The following PRRC2A variants were observed in gnomAD, a reference collection of about 807,000 sequenced individuals.
PRRC2A encodes protein PRRC2A.
PRRC2A carries 59 observed loss-of-function variants against 224.6 expected under a neutral mutation model. The observed-to-expected ratio is 0.26, with a 90% CI of 0.21 to 0.33. The LOEUF (loss-of-function observed/expected upper bound fraction) is 0.33. Ranked by LOEUF, PRRC2A falls within the 10% of genes least tolerant of loss-of-function variation. The pLI is 1.00. For synonymous variants in PRRC2A, 1,194 were observed against 1,109.5 expected (o/e 1.08, Z -1.51); for missense variants, 3,095 against 2,880.7 (o/e 1.07, Z -1.70).
rs759384494 is a variant in PRRC2A at position 31,629,264 on chromosome 6, C to T, written c.1886C>T (p.Pro629Leu). The T allele has an allele frequency of 6.8e-6, 11 of 1,609,412 alleles. No individual in the cohort carries two copies. In the South Asian group the frequency reaches 1.2e-4, roughly 18 times the overall value. ...KGDGIGPTRQ[P>L]PSQGLGYPKY... The stretch of plus-strand genomic sequence containing the variant: ...GATGGGATTGGTCCCACCCGCCAGC[C>T]CCCTAGTCAGGGCTTGGGCTACCCC... Residue 629 changes from proline to leucine, a missense_variant, in exon 13 of 31, where the codon CCC (proline) becomes CTC (leucine). Physicochemically the swap from Pro to Leu is moderately conservative, Grantham distance 98 (BLOSUM62 -3). Coordinates refer to ENST00000376033, the MANE Select transcript of PRRC2A (RefSeq NM_004638.4).
In PRRC2A at chr6:31,625,810, C is replaced by T. The variant is rs950589865; in HGVS notation, c.778C>T (p.Pro260Ser). 6 of 1,583,300 alleles carry T rather than the reference C, an allele frequency of 3.8e-6. No homozygotes were observed. Among genetic ancestry groups the T allele is most frequent in the Middle Eastern group, 1.7e-4 (1 of 6,042 alleles). Residue 260 changes from proline (P) to serine (S), a missense_variant, in exon 8 of 31, where the codon CCG becomes TCG. Pro to Ser is a moderately conservative substitution (Grantham distance 74). Coordinates refer to ENST00000376033, the MANE Select transcript of PRRC2A (RefSeq NM_004638.4). This position sits in a 1 kb window ranked among gnomAD's most constrained non-coding sequence, Gnocchi z 4.1. ...MPPFMYPPYLPFPPPYGPQGP... is the reference protein window; with the variant it reads ...MPPFMYPPYLSFPPPYGPQGP... ...TTTACAGATGTATCCCCCATATCTC[C>T]CGTTCCCTCCGCCCTATGGACCCCA... is the stretch of plus-strand genomic sequence containing the variant.
rs1775783797 is a variant in PRRC2A at position 31,625,350 on chromosome 6, T to C, written c.607+36T>C. The stretch of plus-strand genomic sequence containing the variant: ...GCCTTTTGGCCAAGACATTACCTAT[T>C]GCATCTCAGAGCTAGGTGCTGGCTT... On this transcript the variant is annotated intron_variant, in intron 6 of 30. Transcript: ENST00000376033. This position sits in a 1 kb window ranked among gnomAD's most constrained non-coding sequence, Gnocchi z 4.1. The C allele has an allele frequency of 6.2e-7, 1 of 1,614,056 alleles. No individual in the cohort carries two copies. The highest frequency in any genetic ancestry group is 1.7e-5 in the Admixed American group (1 of 60,002).
intron 16 of PRRC2A, 69 bp from the exon 17 acceptor site, chr6:31,633,310 G>A: frequency 6.4e-7 from 1 of 1,557,668 alleles, no homozygotes. Flanking sequence ...AGCAGAAGTT[G>A]GGAAACATAA....
At position 31,625,325 on chromosome 6, in the gene PRRC2A, G is replaced by A. The variant is rs889080840; in HGVS notation, c.607+11G>A. 11 of 1,614,036 alleles carry A rather than the reference G, an allele frequency of 6.8e-6. No homozygotes were observed. Among genetic ancestry groups the A allele is most frequent in the Non-Finnish European group, 8.5e-6 (10 of 1,180,050 alleles). ...GCCTCCGCCCCCAAAGTGAGTGGCTGCCTTTTGGCCAAGACATTACCTATT... is the reference window on the plus strand; with the variant it reads ...GCCTCCGCCCCCAAAGTGAGTGGCTACCTTTTGGCCAAGACATTACCTATT... On this transcript the variant is annotated intron_variant, in intron 6 of 30. Coordinates refer to ENST00000376033, the MANE Select transcript of PRRC2A (RefSeq NM_004638.4). The surrounding 1 kb of genome is among the most constrained non-coding windows in gnomAD (Gnocchi z 4.1).
chr6:31,630,470 G>C (rs1583207187), intron 14 of PRRC2A, 121 bp from the exon 15 acceptor site: 1 of 930,314 alleles, frequency 1.1e-6, no homozygotes, highest in East Asian at 2.6e-5. Context: ...AGCAGGCAAG[G>C]CCCGGACCTA....
chr6:31,636,785 T>C lies in PRRC2A; in HGVS notation c.5987T>C (p.Leu1996Pro). ...CTGCCTGTGGTGAACTTTGGCTCCC[T>C]GCCGCCAGCACCACCTCCTGCCCCA... is the stretch of plus-strand genomic sequence containing the variant. ...SQLPVVNFGS[L>P]PPAPPPAPPP... Residue 1996 changes from leucine (L) to proline (P), a missense_variant, in exon 28 of 31, where the codon CTG (leucine) becomes CCG (proline). Coordinates refer to ENST00000376033, the MANE Select transcript of PRRC2A (RefSeq NM_004638.4). The surrounding 1 kb of genome is among the most constrained non-coding windows in gnomAD (Gnocchi z 4.3). 1 of 1,607,802 alleles carries C rather than the reference T, an allele frequency of 6.2e-7. No homozygotes were observed. The highest frequency in any genetic ancestry group is 8.5e-7 in the Non-Finnish European group (1 of 1,180,000).
Position 31,632,613 on chromosome 6 carries a change from T to A in PRRC2A, c.3940T>A (p.Ser1314Thr), listed in dbSNP as rs1231966654. The A allele has an allele frequency of 6.2e-7, 1 of 1,612,890 alleles. No homozygotes were observed. Among genetic ancestry groups the A allele is most frequent in the South Asian group, 1.1e-5 (1 of 91,078 alleles). The change falls in exon 16 of 31, where the codon TCA (serine) becomes ACA (threonine). Residue 1314 changes from serine to threonine, a missense_variant. Ser to Thr is a moderately conservative substitution (Grantham distance 58). Coordinates refer to ENST00000376033, the MANE Select transcript of PRRC2A (RefSeq NM_004638.4). The part of the protein sequence containing the change: ...AKSPDLSNQN[S>T]DQANEEWETA... Reference sequence around the variant, plus strand: ...GTCTCCTGATCTGTCAAACCAGAACTCAGACCAAGCCAATGAGGAATGGGA... The same window carrying A: ...GTCTCCTGATCTGTCAAACCAGAACACAGACCAAGCCAATGAGGAATGGGA...
chr6:31,634,603 C>T, intron 20 of PRRC2A, 46 bp downstream of exon 20: 3 of 1,600,212 alleles, frequency 1.9e-6, no homozygotes, highest in African/African-American at 1.3e-5. Context: ...CTTTTTTGAG[C>T]ACTGGTCATA....
Position 31,637,163 on chromosome 6 carries a change from T to C in PRRC2A, c.6242+27T>C, listed in dbSNP as rs1348988751. ...TGAAACGGAATAGGGATGTGGACTT[T>C]CCAAGTGCTTCCTTACTTTGGAACC... On this transcript the variant is annotated intron_variant, in intron 29 of 30. Transcript: ENST00000376033. 8 of 1,609,036 alleles carry C rather than the reference T, an allele frequency of 5.0e-6. No homozygotes were observed. The Admixed American group carries it at 5.0e-5, about 10-fold the overall frequency.
In PRRC2A at chr6:31,630,709, G is replaced by T. The variant is rs1321147117; in HGVS notation, c.2373G>T (p.Trp791Cys). 2 of 1,614,030 alleles carry T rather than the reference G, an allele frequency of 1.2e-6. No individual in the cohort carries two copies. Among genetic ancestry groups the T allele is most frequent in the Admixed American group, 1.7e-5 (1 of 60,004 alleles). ...GTPPVDPKLA[W>C]VGDVFTATPA... The stretch of plus-strand genomic sequence containing the variant: ...CACCGGTGGATCCAAAGTTGGCCTG[G>T]GTAGGAGATGTCTTCACCGCCACAC... The change falls in exon 15 of 31, where the codon TGG (tryptophan) becomes TGT (cysteine). Residue 791 changes from tryptophan (W) to cysteine (C), a missense_variant. Transcript: ENST00000376033.
intron 12 of PRRC2A, chr6:31,628,730 G>C (rs1776197319): frequency 9.1e-6 from 2 of 220,608 alleles, no homozygotes; most frequent in East Asian, 2.4e-4. Context: ...AGTCCCAGCT[G>C]CTTGGGAGGC....
In PRRC2A at chr6:31,627,640, G is replaced by C. The variant is rs1055447892; in HGVS notation, c.1291-125G>C. ...GATAATGAGTTTGTCACCACCCAGAGAGATCAACCCCAAAGCCTGGGTCGT... is the reference window on the plus strand; with the variant it reads ...GATAATGAGTTTGTCACCACCCAGACAGATCAACCCCAAAGCCTGGGTCGT... On this transcript the variant is annotated intron_variant, in intron 11 of 30. Coordinates refer to ENST00000376033, the MANE Select transcript of PRRC2A (RefSeq NM_004638.4). The surrounding 1 kb of genome is among the most constrained non-coding windows in gnomAD (Gnocchi z 5.6). 1.6e-6 allele frequency: 2 copies of C among 1,237,572 alleles called. No individual in the cohort carries two copies. The highest frequency in any genetic ancestry group is 1.5e-5 in the African/African-American group (1 of 65,776). The allele number at this position is 1,237,572 out of a possible 1,614,324, so 76.7% of individuals were successfully genotyped here.
In PRRC2A at chr6:31,634,850, G is replaced by A; in HGVS notation, c.5033G>A (p.Gly1678Glu). The A allele has an allele frequency of 6.2e-7, 1 of 1,612,976 alleles. No individual in the cohort carries two copies. The highest frequency in any genetic ancestry group is 8.5e-7 in the Non-Finnish European group (1 of 1,180,018). ...QRSSPDGGLK[G>E]AAEGPPKRPG... ...AGTTCCCCTGATGGAGGACTCAAGG[G>A]GGCAGCAGAGGGACCCCCCAAGAGG... Residue 1678 changes from glycine (G) to glutamate (E), a missense_variant, in exon 21 of 31, where the codon GGG becomes GAG. This residue lies in a region of PRRC2A where 662 missense variants were observed against 609.5 expected (regional missense o/e 1.09). Coordinates refer to ENST00000376033, the MANE Select transcript of PRRC2A (RefSeq NM_004638.4).
Position 31,629,295 on chromosome 6 carries a change from T to C in PRRC2A, c.1917T>C (p.Tyr639=), listed in dbSNP as rs1479107369. 8 of 1,584,248 alleles carry C rather than the reference T, an allele frequency of 5.0e-6. No individual in the cohort carries two copies. The highest frequency in any genetic ancestry group is 4.1e-5 in the African/African-American group (3 of 73,474). ...GTCAGGGCTTGGGCTACCCCAAATA[T>C]CAGAAGTCGTTGCCTCCTCGTTTCC... ...PPSQGLGYPK[Y]QKSLPPRFQR... The change falls in exon 13 of 31, where the codon TAT becomes TAC. Residue 639 remains tyrosine, a synonymous_variant. Transcript: ENST00000376033.
rs1314481560 is a variant in PRRC2A, at chr6:31,625,562, C to T, written c.710C>T (p.Pro237Leu). 1 of 1,570,848 alleles carries T rather than the reference C, an allele frequency of 6.4e-7. No individual in the cohort carries two copies. ...HGHDPRGGLQPSGPPQFPPYR... is the reference protein window; with the variant it reads ...HGHDPRGGLQLSGPPQFPPYR... The stretch of plus-strand genomic sequence containing the variant: ...CATGATCCCCGGGGTGGGCTACAGC[C>T]TTCAGGCCCACCCCAGTTCCCTCCC... The change falls in exon 7 of 31, where the codon CCT (proline) becomes CTT (leucine). Residue 237 changes from proline (P) to leucine (L), a missense_variant. By Grantham distance (98) the Pro-to-Leu change is moderately conservative. Around this residue, in one of 8 missense-constraint regions of PRRC2A, gnomAD observed 287 missense variants for 275.3 expected, o/e 1.04. Coordinates refer to ENST00000376033, the MANE Select transcript of PRRC2A (RefSeq NM_004638.4). This position sits in a 1 kb window ranked among gnomAD's most constrained non-coding sequence, Gnocchi z 4.1.
chr6:31,631,052 GTC>G lies in PRRC2A; in HGVS notation c.2466-85_2466-84del. On this transcript the variant is annotated intron_variant, in intron 15 of 30. Transcript: ENST00000376033. This position sits in a 1 kb window ranked among gnomAD's most constrained non-coding sequence, Gnocchi z 4.5. ...ACAAACAGAAAAATAGTAAAAGAGA[GTC>G]TGCATCATAATAAAGTGTTCTTTTC... The G allele has an allele frequency of 7.5e-7, 1 of 1,337,402 alleles. No homozygotes were observed. The highest frequency in any genetic ancestry group is 1.0e-6 in the Non-Finnish European group (1 of 978,656). The allele number at this position is 1,337,402 out of a possible 1,614,324, so 82.8% of individuals were successfully genotyped here. A position where few individuals can be genotyped will look rare whatever the true frequency, so the allele number is the denominator to read the frequency against.
chr6:31,635,500 A>G (rs1163079910), intron 23 of PRRC2A, 35 bp downstream of exon 23: 3 of 1,612,742 alleles, frequency 1.9e-6, no homozygotes, highest in African/African-American at 1.3e-5. Flanking sequence ...GAAAGGCCCA[A>G]GATTTCTGGG....
chr6:31,633,254 G>A (rs1323070238), intron 16 of PRRC2A, 125 bp from the exon 17 acceptor site: 1 of 1,375,066 alleles, frequency 7.3e-7, no homozygotes, highest in African/African-American at 1.4e-5. Flanking sequence ...ATCCTTAGAA[G>A]GACTCAAAAA....
intron 1 of PRRC2A, 63 bp downstream of exon 1, chr6:31,620,921 CGGTGGCGGCGGCGGCGGCGGTGGT>C (rs1284072157): frequency 6.4e-6 from 1 of 156,446 alleles, no homozygotes; most frequent in Non-Finnish European, 1.4e-5. Flanking sequence ...GTGGCGGTGG[CGGTGGCGGCGGCGGCGGCGGTGGT>C]GGGCCGGGGG....
Sources: gnomAD v4.1 joint callset for allele counts on GRCh38, gnomAD v4.1.1 for gene constraint, gnomAD v4.1.1 regional missense constraint, Gnocchi (gnomAD v3.1) non-coding constraint, MANE v1.5 for transcripts, NCBI Gene and HGNC (gene_info 2026-07-23, HGNC 2026-07-21) for gene names.